ADAMTSL3: variants seen among roughly 807,000 people sequenced by gnomAD.
The protein encoded by ADAMTSL3 is ADAMTS-like protein 3.
ADAMTSL3 carries 128 observed loss-of-function variants against 201.7 expected under a neutral mutation model. That is an observed-to-expected ratio of 0.63 (90% CI 0.55 to 0.73). The LOEUF is 0.73. Among genes scored for constraint, ADAMTSL3 ranks in the 30% least tolerant of loss-of-function variants. The pLI is 0.00. For missense variants in ADAMTSL3, 1,990 were observed against 2,119.6 expected, an observed-to-expected ratio of 0.94 and a Z score of 1.20; for synonymous variants, 738 against 748.4, an observed-to-expected ratio of 0.99 and a Z score of 0.23.
intron 7 of ADAMTSL3, among the ~76,000 whole-genome samples, chr15:83,841,468 T>C (rs1019593952): frequency 6.6e-6 from 1 of 152,228 alleles, no homozygotes; most frequent in African/African-American, 2.4e-5. Context: ...ATGGGTATCT[T>C]GGATCTCTAA....
At chr15:83,837,127 G>T (rs56285320) in intron 6 of ADAMTSL3, among the ~76,000 whole-genome samples, 1 of 151,862 alleles carries the variant, frequency 6.6e-6, no homozygotes, top group East Asian at 1.9e-4. Flanking sequence ...GTATAAACAC[G>T]TATTTTATAT....
In ADAMTSL3 at chr15:83,913,280, C is replaced by T. The variant is rs200247659; in HGVS notation, c.1889C>T (p.Ala630Val). The T allele has an allele frequency of 8.7e-6, 14 of 1,614,006 alleles. No homozygotes were observed. Among genetic ancestry groups the T allele is most frequent in the South Asian group, 2.2e-5 (2 of 91,064 alleles). Residue 630 changes from alanine (A) to valine (V), a missense_variant, in exon 16 of 30, where the codon GCC becomes GTC. Physicochemically the swap from Ala to Val is moderately conservative, Grantham distance 64. Transcript: ENST00000286744. ...CTGGAAGCATGTGATGAGAGCCCGG[C>T]CTCCCGAGAGCTAGACATCCCTCTC... Reference protein sequence around the residue: ...CLLEACDESPASRELDIPLPE... With the variant: ...CLLEACDESPVSRELDIPLPE...
intron 6 of ADAMTSL3, chr15:83,824,889 G>A (rs1037182699): frequency 1.6e-4 from 25 of 151,932 alleles, no homozygotes; most frequent in African/African-American, 3.1e-4. Flanking sequence ...TCACAAATTT[G>A]CATGTCATCT....
chr15:83,783,628 G>T (rs2063212615), intron 4 of ADAMTSL3, among the ~76,000 whole-genome samples: 1 of 151,926 alleles, frequency 6.6e-6, no homozygotes, highest in Non-Finnish European at 1.5e-5. Context: ...AGAATTTAAA[G>T]GAAGAAGCAT....
intron 19 of ADAMTSL3, among the ~76,000 whole-genome samples, chr15:83,947,585 C>G (rs1412201320): frequency 6.6e-6 from 1 of 152,172 alleles, no homozygotes; most frequent in Non-Finnish European, 1.5e-5. Context: ...CTGAAATAGC[C>G]TCCTTTATTT....
At chr15:83,792,660 G>A (rs900983237) in intron 4 of ADAMTSL3, among the ~76,000 whole-genome samples, 1 of 152,098 alleles carries the variant, frequency 6.6e-6, no homozygotes, top group African/African-American at 2.4e-5. Context: ...GCACATGCCT[G>A]TAATCCCAGC....
chr15:83,731,568 G>A (rs1003950627), intron 3 of ADAMTSL3, among the ~76,000 whole-genome samples: 1 of 151,918 alleles, frequency 6.6e-6, no homozygotes, highest in African/African-American at 2.4e-5. Flanking sequence ...TGTATCCAAA[G>A]GAAATAAAAT....
intron 9 of ADAMTSL3, among the ~76,000 whole-genome samples, chr15:83,877,192 G>A (rs1225948235): frequency 6.6e-6 from 1 of 152,112 alleles, no homozygotes; most frequent in Non-Finnish European, 1.5e-5. Context: ...CTCCCACCTT[G>A]GTCTCCCAAA....
At chr15:83,737,853 T>C (rs2062392424) in intron 3 of ADAMTSL3, among the ~76,000 whole-genome samples, 1 of 152,184 alleles carries the variant, frequency 6.6e-6, no homozygotes, top group East Asian at 1.9e-4. Flanking sequence ...AAGCAAATTA[T>C]CCTCTTTTGT....
chr15:83,809,781 G>A (rs1567159627), intron 5 of ADAMTSL3, among the ~76,000 whole-genome samples: 1 of 152,198 alleles, frequency 6.6e-6, no homozygotes, highest in Admixed American at 6.5e-5. Flanking sequence ...CATTTCAAAT[G>A]AGATTGATTT....
chr15:83,754,692 A>G (rs1033879666), intron 3 of ADAMTSL3, among the ~76,000 whole-genome samples: 8 of 152,190 alleles, frequency 5.3e-5, no homozygotes, highest in Admixed American at 3.9e-4. Flanking sequence ...GGCTATAGAA[A>G]TGCCATTACA....
chr15:83,889,223 G>A (rs2065457585), intron 10 of ADAMTSL3, among the ~76,000 whole-genome samples: 1 of 152,190 alleles, frequency 6.6e-6, no homozygotes. Flanking sequence ...AGGCTTGTGA[G>A]ATGAGGGCTG....
intron 29 of ADAMTSL3, among the ~76,000 whole-genome samples, chr15:84,037,470 C>T (rs1346250040): frequency 6.6e-6 from 1 of 152,206 alleles, no homozygotes; most frequent in African/African-American, 2.4e-5. Flanking sequence ...AAAGGAGCAG[C>T]ATGGGCCAGA....
intron 23 of ADAMTSL3, among the ~76,000 whole-genome samples, chr15:84,005,610 G>A (rs2067879713): frequency 6.6e-6 from 1 of 152,222 alleles, no homozygotes; most frequent in Admixed American, 6.5e-5. Context: ...GTGCTCATGA[G>A]ATATGTCTGG....
chr15:83,942,900 T>C lies in ADAMTSL3; in HGVS notation c.2311-3T>C. The C allele has an allele frequency of 1.2e-6, 2 of 1,611,306 alleles. No homozygotes were observed. The highest frequency in any genetic ancestry group is 2.2e-5 in the South Asian group (2 of 90,420). ...GCCGCCTCACCCCCTCTTGTCTTCTTAGTGTTCCAGGACTTGTGGCGGGGG... is the reference window on the plus strand; with the variant it reads ...GCCGCCTCACCCCCTCTTGTCTTCTCAGTGTTCCAGGACTTGTGGCGGGGG... On this transcript the variant is annotated splice_region_variant and splice_polypyrimidine_tract_variant and intron_variant, in intron 18 of 29. Coordinates refer to ENST00000286744, the MANE Select transcript of ADAMTSL3 (RefSeq NM_207517.3).
chr15:83,862,193 C>G (rs946754284), intron 8 of ADAMTSL3: 1 of 152,226 alleles, frequency 6.6e-6, no homozygotes, highest in Non-Finnish European at 1.5e-5. Context: ...GGAAAACACT[C>G]TGCAGGGTAT....
intron 4 of ADAMTSL3, among the ~76,000 whole-genome samples, chr15:83,792,420 C>T (rs998491658): frequency 6.6e-6 from 1 of 152,048 alleles, no homozygotes; most frequent in Non-Finnish European, 1.5e-5. Flanking sequence ...AAAAGGGAAC[C>T]CTTGCACCCT....
intron 5 of ADAMTSL3, among the ~76,000 whole-genome samples, chr15:83,818,905 C>G (rs1297502063): frequency 1.3e-5 from 2 of 152,128 alleles, no homozygotes; most frequent in Non-Finnish European, 2.9e-5. Flanking sequence ...CATCCTACAG[C>G]CAGTTGAAGG....
intron 20 of ADAMTSL3, among the ~76,000 whole-genome samples, chr15:83,980,210 A>G (rs925525642): frequency 6.6e-6 from 1 of 152,064 alleles, no homozygotes; most frequent in Non-Finnish European, 1.5e-5. Context: ...CCCCATGAGC[A>G]TTTCTCACCT....
Sources: allele counts gnomAD v4.1 joint callset (sites outside exome capture counted in the v4.1 genomes callset), GRCh38; gene constraint gnomAD v4.1.1; transcripts MANE v1.5; gene names NCBI Gene and HGNC (gene_info 2026-07-23, HGNC 2026-07-21).